The following KIF27 variants were observed in gnomAD, a reference collection of about 807,000 sequenced individuals.
KIF27 encodes kinesin family member 27, also known as kinesin-like protein KIF27.
Under a neutral mutation model 141.8 loss-of-function variants are expected in KIF27, and 84 were observed. That is an observed-to-expected ratio of 0.59 (90% CI 0.50 to 0.71). The LOEUF (loss-of-function observed/expected upper bound fraction) is 0.71, where lower values mean the gene tolerates loss of function less well. Among genes scored for constraint, KIF27 ranks in the 30% least tolerant of loss-of-function variants. KIF27 has a pLI of 0.00. For missense variants in KIF27, 1,306 were observed against 1,628.4 expected (o/e 0.80, Z 3.41); for synonymous variants, 471 against 569.5 (o/e 0.83, Z 2.46).
chr9:83,893,242 G>A (rs147481043), intron 5 of KIF27, among the ~76,000 whole-genome samples: 3,710 of 152,200 alleles, frequency 0.024, 152 homozygotes, highest in African/African-American at 0.085. Flanking sequence ...GTCATAGTGG[G>A]AGATTTTAAC....
rs765634941 is a variant in KIF27 at position 83,883,939 on chromosome 9, G to A, written c.2319C>T (p.Val773=). The A allele has an allele frequency of 1.7e-5, 27 of 1,613,366 alleles. No individual in the cohort carries two copies. In the East Asian group the frequency reaches 3.6e-4, roughly 21 times the overall value. Residue 773 remains valine, a synonymous_variant, in exon 10 of 18, where the codon GTC becomes GTT. Transcript: ENST00000297814. ...KLEHDAEQAK[V]ELIETQKQLQ... is the part of the protein sequence containing the mutation. ...GCTGCTTTTGTGTTTCAATCAGTTC[G>A]ACTTTTGCCTGTTCTGCATCATGCT...
At chr9:83,876,123 A>T (rs1452244749) in intron 11 of KIF27, among the ~76,000 whole-genome samples, 2 of 152,116 alleles carry the variant, frequency 1.3e-5, no homozygotes, top group African/African-American at 4.8e-5. Flanking sequence ...TATTACCATT[A>T]TTATGAATAT....
At chr9:83,880,823 T>C (rs1246830839) in intron 10 of KIF27, among the ~76,000 whole-genome samples, 1 of 152,232 alleles carries the variant, frequency 6.6e-6, no homozygotes, top group Non-Finnish European at 1.5e-5. Flanking sequence ...GAATTTATAT[T>C]TTAAGAGTCA....
At chr9:83,890,438 T>C (rs1952565564) in intron 6 of KIF27, among the ~76,000 whole-genome samples, 1 of 152,272 alleles carries the variant, frequency 6.6e-6, no homozygotes, top group African/African-American at 2.4e-5. Context: ...CATCTAGTTT[T>C]CTTTTGTGAG....
At position 83,853,939 on chromosome 9, in the gene KIF27, C is replaced by T. The variant is rs1318545623; in HGVS notation, c.3151-104G>A. 8.6e-6 allele frequency: 7 copies of T among 810,662 alleles called. No homozygotes were observed. In the East Asian group the frequency reaches 1.6e-4, roughly 18 times the overall value. The allele number at this position is 810,662 out of a possible 1,614,324, so 50.2% of individuals were successfully genotyped here. ...TATTTGAGTCTAATGGATATTACCACTCTTGTACTAGATTTTAAGAAAATG... is the reference window on the plus strand; with the variant it reads ...TATTTGAGTCTAATGGATATTACCATTCTTGTACTAGATTTTAAGAAAATG... On this transcript the variant is annotated intron_variant, in intron 14 of 17. Transcript: ENST00000297814.
At chr9:83,873,877 G>A (rs1950995482) in intron 11 of KIF27, among the ~76,000 whole-genome samples, 1 of 152,064 alleles carries the variant, frequency 6.6e-6, no homozygotes, top group African/African-American at 2.4e-5. Flanking sequence ...GTGAAACCCT[G>A]TGTCTCTATT....
Position 83,870,479 on chromosome 9 carries a change from T to C in KIF27, c.2757+40A>G, listed in dbSNP as rs149060518. The stretch of plus-strand genomic sequence containing the variant: ...TACCTCTATTTAGACAACCATCAGA[T>C]TGAAGAGAAACCAGGAAACACTAAA... On this transcript the variant is annotated intron_variant, in intron 12 of 17. Coordinates refer to ENST00000297814, the MANE Select transcript of KIF27 (RefSeq NM_017576.4). The C allele has an allele frequency of 3.4e-3, 5,474 of 1,610,712 alleles. 184 individuals are homozygous for C. The African/African-American group carries it at 0.065, about 19-fold the overall frequency.
At chr9:83,844,283 T>C (rs1203766987) in intron 16 of KIF27, among the ~76,000 whole-genome samples, 1 of 152,042 alleles carries the variant, frequency 6.6e-6, no homozygotes, top group Non-Finnish European at 1.5e-5. Context: ...AAGTTAATAA[T>C]AAACTCCCCT....
intron 15 of KIF27, among the ~76,000 whole-genome samples, chr9:83,850,656 G>A (rs1443295787): frequency 7.3e-5 from 11 of 151,256 alleles, no homozygotes; most frequent in East Asian, 4.0e-4. Context: ...GGTGGTGCAC[G>A]CCTGTAATCC....
chr9:83,864,702 G>C (rs1487994711), intron 13 of KIF27, among the ~76,000 whole-genome samples: 1 of 152,206 alleles, frequency 6.6e-6, no homozygotes, highest in African/African-American at 2.4e-5. Context: ...GCTTGGTGCA[G>C]AGCTGAGTTC....
At chr9:83,888,898 A>G (rs1447416061) in intron 7 of KIF27, among the ~76,000 whole-genome samples, 186 bp downstream of exon 7, 2 of 151,512 alleles carry the variant, frequency 1.3e-5, no homozygotes, top group Non-Finnish European at 2.9e-5. Flanking sequence ...TTTTTCAGTT[A>G]TAAGACTGAT....
Position 83,880,332 on chromosome 9 carries a change from C to G in KIF27, c.2608G>C (p.Asp870His). 1 of 1,613,780 alleles carries G rather than the reference C, an allele frequency of 6.2e-7. No individual in the cohort carries two copies. The highest frequency in any genetic ancestry group is 1.1e-5 in the South Asian group (1 of 91,068). The change falls in exon 11 of 18, where the codon GAT (aspartate) becomes CAT (histidine). Residue 870 changes from aspartate (D) to histidine (H), a missense_variant. Around this residue, in one of 4 missense-constraint regions of KIF27, gnomAD observed 596 missense variants for 751.6 expected, o/e 0.79. Transcript: ENST00000297814. ...TGCTGGTCCCGCTTAATTACTGCAT[C>G]CAGTTGCTTCCTTTTTTCATTTTCT... Reference protein sequence around the residue: ...REENEKRKQLDAVIKRDQQKI... With the variant: ...REENEKRKQLHAVIKRDQQKI...
At chr9:83,857,401 G>A (rs923600659) in intron 14 of KIF27, among the ~76,000 whole-genome samples, 2 of 152,080 alleles carry the variant, frequency 1.3e-5, no homozygotes, top group East Asian at 1.9e-4. Context: ...TCACTTGAGA[G>A]GTACACTAAG....
chr9:83,884,072 C>T (rs1321683529), intron 9 of KIF27, 54 bp from the exon 10 acceptor site: 5 of 1,247,112 alleles, frequency 4.0e-6, no homozygotes, highest in Non-Finnish European at 5.5e-6. Context: ...AGAAGTTAAA[C>T]ATCCAAAACA....
chr9:83,867,369 G>T (rs147743153), intron 13 of KIF27, among the ~76,000 whole-genome samples: 2,346 of 149,746 alleles, frequency 0.016, 77 homozygotes, highest in African/African-American at 0.056. Flanking sequence ...AATACATACA[G>T]AGATAGATCT....
At chr9:83,878,161 CAAAAAAA>C (rs58897060) in intron 11 of KIF27, among the ~76,000 whole-genome samples, 4 of 38,476 alleles carry the variant, frequency 1.0e-4, no homozygotes, top group Admixed American at 8.9e-4. Flanking sequence ...GACTCTGTCT[CAAAAAAA>C]AAAAAAAAAA....
rs1954170078 is a variant in KIF27, at chr9:83,903,609, T to C, written c.909A>G (p.Lys303=). ...TCTTAGCACTGCCTCCCAGAGAATC[T>C]TTCAGAAGCCGGGTAATTTTAGCAT... is the stretch of plus-strand genomic sequence containing the variant. ...YRDAKITRLL[K]DSLGGSAKTV... The change falls in exon 4 of 18, where the codon AAA becomes AAG. Residue 303 remains lysine (K), a synonymous_variant. Transcript: ENST00000297814. 1 of 1,614,044 alleles carries C rather than the reference T, an allele frequency of 6.2e-7. No individual in the cohort carries two copies. Among genetic ancestry groups the C allele is most frequent in the African/African-American group, 1.3e-5 (1 of 74,920 alleles).
chr9:83,904,173 A>C (rs1954248189), intron 3 of KIF27, among the ~76,000 whole-genome samples, 155 bp from the exon 4 acceptor site: 1 of 152,230 alleles, frequency 6.6e-6, no homozygotes, highest in Middle Eastern at 3.2e-3. Context: ...CAACATCATC[A>C]AATAATTTTG....
At chr9:83,888,724 T>C (rs1952361110) in intron 7 of KIF27, 132 bp from the exon 8 acceptor site, 2 of 508,870 alleles carry the variant, frequency 3.9e-6, no homozygotes, top group Non-Finnish European at 6.7e-6. Context: ...GTTACTAATA[T>C]TGCTCAAAAT....
Sources: allele counts gnomAD v4.1 joint callset (sites outside exome capture counted in the v4.1 genomes callset), GRCh38; gene constraint gnomAD v4.1.1; regional missense constraint gnomAD v4.1.1; transcripts MANE v1.5; gene names NCBI Gene and HGNC (gene_info 2026-07-23, HGNC 2026-07-21).